DMXL2: variants seen among roughly 807,000 people sequenced by gnomAD.
DMXL2 encodes the protein Dmx like 2.
A neutral mutation model predicts 331.1 loss-of-function variants in DMXL2; 103 were observed. The ratio of observed to expected loss-of-function variants is 0.31; its 90% CI spans 0.27 to 0.37. The LOEUF (loss-of-function observed/expected upper bound fraction) is 0.37, where lower values mean the gene tolerates loss of function less well. Ranked by LOEUF, DMXL2 falls within the 10% of genes least tolerant of loss-of-function variation. The pLI is 1.00. For synonymous variants in DMXL2, 1,281 were observed against 1,252.1 expected (o/e 1.02, Z -0.49); for missense variants, 3,171 against 3,642.9 (o/e 0.87, Z 3.33).
At chr15:51,524,059 T>C (rs886509186) in intron 13 of DMXL2, among the ~76,000 whole-genome samples, 28 of 152,174 alleles carry the variant, frequency 1.8e-4, no homozygotes, top group African/African-American at 4.3e-4. Context: ...GAGTGGAACA[T>C]GTACTAAAAT....
At chr15:51,506,643 C>T in intron 16 of DMXL2, among the ~76,000 whole-genome samples, 1 of 151,892 alleles carries the variant, frequency 6.6e-6, no homozygotes, top group East Asian at 1.9e-4. Flanking sequence ...TTAGTAGAGA[C>T]AGGGTTTCAC....
intron 23 of DMXL2, among the ~76,000 whole-genome samples, chr15:51,483,579 C>T (rs1481960205): frequency 2.0e-5 from 3 of 152,220 alleles, no homozygotes; most frequent in Admixed American, 6.5e-5. Flanking sequence ...TCCAAGCCTA[C>T]GAGCAGCTGA....
In DMXL2 at chr15:51,536,738, T is replaced by A; in HGVS notation, c.1742A>T (p.Gln581Leu). ...TKDSHHTLLH[Q>L]EGMSVGSPHG... Reference sequence around the variant, plus strand: ...AGGACTGCCTACAGACATCCCCTCCTGGTGTAACAGCGTGTGGTGAGAATC... The same window carrying A: ...AGGACTGCCTACAGACATCCCCTCCAGGTGTAACAGCGTGTGGTGAGAATC... Residue 581 changes from glutamine (Q) to leucine (L), a missense_variant, in exon 12 of 44, where the codon CAG (glutamine) becomes CTG (leucine). Gln to Leu is a moderately radical substitution (Grantham distance 113, BLOSUM62 -2). Around this residue, in one of 7 missense-constraint regions of DMXL2, gnomAD observed 1,674 missense variants for 1,780.2 expected, o/e 0.94. Transcript: ENST00000560891. 6.2e-7 allele frequency: 1 copy of A among 1,614,084 alleles called. No homozygotes were observed.
Position 51,515,239 on chromosome 15 carries a change from T to C in DMXL2, c.2527-680A>G, listed in dbSNP as rs74013277. On this transcript the variant is annotated intron_variant, in intron 14 of 43. Coordinates refer to ENST00000560891, the MANE Select transcript of DMXL2 (RefSeq NM_001378457.1). The stretch of plus-strand genomic sequence containing the variant: ...GGCTACTTAGAACCTTAACAGGAAC[T>C]GAAGTTCAAGGAAAGGCTAGATCCA... Among the ~76,000 whole-genome samples the C allele has an allele frequency of 7.0e-3, 1,070 of 152,188 alleles. 18 individuals are homozygous for C. The highest frequency in any genetic ancestry group is 0.025 in the African/African-American group (1,039 of 41,534).
At chr15:51,515,883 T>G (rs1215228325) in intron 14 of DMXL2, among the ~76,000 whole-genome samples, 3 of 152,096 alleles carry the variant, frequency 2.0e-5, no homozygotes, top group Admixed American at 1.3e-4. Context: ...TCTTCTACAT[T>G]CCTATTGAGT....
chr15:51,544,391 G>C (rs577360097), intron 8 of DMXL2, among the ~76,000 whole-genome samples: 2 of 152,202 alleles, frequency 1.3e-5, no homozygotes, highest in East Asian at 3.9e-4. Context: ...TTCTGCCATG[G>C]GTAAAAGATC....
rs1283048770 is a variant in DMXL2, at chr15:51,517,107, T to C, written c.2497A>G (p.Ile833Val). 5 of 1,614,004 alleles carry C rather than the reference T, an allele frequency of 3.1e-6. No individual in the cohort carries two copies. The highest frequency in any genetic ancestry group is 4.2e-6 in the Non-Finnish European group (5 of 1,179,980). ...SQQSTARPGC[I>V]IELDAITNQC... Reference sequence around the variant, plus strand: ...TTGGTTATTGCGTCGAGTTCAATAATGCAGCCAGGTCGAGCAGTAGACTGT... The same window carrying C: ...TTGGTTATTGCGTCGAGTTCAATAACGCAGCCAGGTCGAGCAGTAGACTGT... Residue 833 changes from isoleucine (I) to valine (V), a missense_variant, in exon 14 of 44, where the codon ATT becomes GTT. Ile to Val is a conservative substitution (Grantham distance 29, BLOSUM62 3). Transcript: ENST00000560891.
At chr15:51,469,194 T>C (rs1200171769) in intron 29 of DMXL2, among the ~76,000 whole-genome samples, 1 of 133,982 alleles carries the variant, frequency 7.5e-6, no homozygotes, top group Non-Finnish European at 1.6e-5. Context: ...TTTAAAATCC[T>C]TTTTTTTTTT....
intron 15 of DMXL2, among the ~76,000 whole-genome samples, chr15:51,508,834 T>C (rs910435501): frequency 6.6e-6 from 1 of 152,170 alleles, no homozygotes; most frequent in Non-Finnish European, 1.5e-5. Flanking sequence ...TCTTTACAGA[T>C]GCTTTCCAGC....
Position 51,539,064 on chromosome 15 carries a change from G to T in DMXL2, c.1106-612C>A, listed in dbSNP as rs1460865109. The stretch of plus-strand genomic sequence containing the variant: ...ATCTCTACTAAAATACAAAAAATTA[G>T]CCCAGTGTGGCGGGGTGTGCCTGTA... On this transcript the variant is annotated intron_variant, in intron 9 of 43. Coordinates refer to ENST00000560891, the MANE Select transcript of DMXL2 (RefSeq NM_001378457.1). Among the ~76,000 whole-genome samples, 5 of 151,868 alleles carry T rather than the reference G, an allele frequency of 3.3e-5. No individual in the cohort carries two copies. The East Asian group carries it at 9.7e-4, about 29-fold the overall frequency.
At chr15:51,535,851 T>A in intron 12 of DMXL2, 67 bp from the exon 13 acceptor site, 1 of 1,504,244 alleles carries the variant, frequency 6.6e-7, no homozygotes, top group Non-Finnish European at 8.8e-7. Context: ...GGCTAAAGGA[T>A]AAGAAACAAG....
At chr15:51,610,786 A>T (rs1435447803) in intron 1 of DMXL2, among the ~76,000 whole-genome samples, 2 of 151,370 alleles carry the variant, frequency 1.3e-5, no homozygotes, top group Admixed American at 1.3e-4. Context: ...AAAAAAACTT[A>T]TAAAAACTGA....
chr15:51,547,053 C>G (rs1002953027), intron 7 of DMXL2, among the ~76,000 whole-genome samples, 177 bp downstream of exon 7: 3 of 152,124 alleles, frequency 2.0e-5, no homozygotes, highest in African/African-American at 7.2e-5. Flanking sequence ...GAGGCATAGA[C>G]AGCTTAAGAA....
intron 1 of DMXL2, among the ~76,000 whole-genome samples, chr15:51,588,410 G>A (rs1339226580): frequency 6.6e-6 from 1 of 152,066 alleles, no homozygotes; most frequent in Non-Finnish European, 1.5e-5. Flanking sequence ...CTGGCCAGGA[G>A]CGCTGGGATT....
intron 6 of DMXL2, among the ~76,000 whole-genome samples, chr15:51,557,692 G>A (rs1311816060): frequency 6.6e-6 from 1 of 152,146 alleles, no homozygotes; most frequent in African/African-American, 2.4e-5. Flanking sequence ...CAATGAACTA[G>A]AGAAAAGAGC....
At chr15:51,491,958 T>A (rs1323131260) in intron 19 of DMXL2, among the ~76,000 whole-genome samples, 3 of 152,220 alleles carry the variant, frequency 2.0e-5, no homozygotes, top group Non-Finnish European at 4.4e-5. Flanking sequence ...CAAATCTCTT[T>A]TTCCCCAAAC....
intron 6 of DMXL2, among the ~76,000 whole-genome samples, chr15:51,556,742 A>G (rs2049616808): frequency 6.6e-6 from 1 of 152,178 alleles, no homozygotes; most frequent in African/African-American, 2.4e-5. Flanking sequence ...ACTGGACTCC[A>G]GCCTGGGTGA....
At chr15:51,507,047 T>A (rs1160871279) in intron 16 of DMXL2, 87 bp downstream of exon 16, 10 of 1,098,224 alleles carry the variant, frequency 9.1e-6, no homozygotes, top group Non-Finnish European at 1.2e-5. Flanking sequence ...TAATGGAACT[T>A]CATTTTACAG....
intron 1 of DMXL2, among the ~76,000 whole-genome samples, chr15:51,607,434 C>T (rs981039870): frequency 2.0e-5 from 3 of 151,274 alleles, no homozygotes; most frequent in South Asian, 4.2e-4. Context: ...CCAGCCTGAG[C>T]GACAGAGCGA....
Sources: allele counts gnomAD v4.1 joint callset (sites outside exome capture counted in the v4.1 genomes callset), GRCh38; gene constraint gnomAD v4.1.1; regional missense constraint gnomAD v4.1.1; transcripts MANE v1.5; gene names NCBI Gene and HGNC (gene_info 2026-07-23, HGNC 2026-07-21).